The following FSTL5 variants were observed in gnomAD, a reference collection of about 807,000 sequenced individuals.
FSTL5 encodes follistatin like 5.
Under a neutral mutation model 89.1 loss-of-function variants are expected in FSTL5, and 62 were observed. The ratio of observed to expected loss-of-function variants is 0.70; its 90% CI spans 0.57 to 0.86. FSTL5 has a LOEUF of 0.86. FSTL5 is among the 40% of genes least tolerant of loss of function. FSTL5 has a pLI of 0.00. For missense variants in FSTL5, 1,057 were observed against 1,001.6 expected (o/e 1.06, Z -0.75); for synonymous variants, 383 against 346.2 (o/e 1.11, Z -1.18).
intron 2 of FSTL5, among the ~76,000 whole-genome samples, chr4:162,064,976 G>A (rs1026323293): frequency 1.3e-5 from 2 of 151,884 alleles, no homozygotes; most frequent in Non-Finnish European, 2.9e-5. Flanking sequence ...TAATCTTTGG[G>A]AAGAGTGCCA....
intron 11 of FSTL5, among the ~76,000 whole-genome samples, chr4:161,509,476 T>C (rs1730586396): frequency 1.3e-5 from 2 of 152,050 alleles, no homozygotes; most frequent in South Asian, 2.1e-4. Context: ...ATACAAAAGA[T>C]TTAAGGAGCA....
chr4:161,465,913 A>G (rs1397975800), intron 13 of FSTL5, among the ~76,000 whole-genome samples: 1 of 152,186 alleles, frequency 6.6e-6, no homozygotes, highest in Non-Finnish European at 1.5e-5. Context: ...AAACACTTTC[A>G]AAAAAGTTTC....
intron 1 of FSTL5, among the ~76,000 whole-genome samples, chr4:162,147,076 C>G (rs1733031103): frequency 2.0e-5 from 3 of 152,206 alleles, no homozygotes; most frequent in African/African-American, 7.2e-5. Context: ...GCCATCGCAC[C>G]TGGTCCTAAC....
At chr4:161,975,970 T>A (rs1249737057) in intron 3 of FSTL5, among the ~76,000 whole-genome samples, 1 of 149,656 alleles carries the variant, frequency 6.7e-6, no homozygotes, top group African/African-American at 2.5e-5. Context: ...AAAAAAAAAT[T>A]AGCCAGGCAT....
chr4:161,707,638 T>G (rs532704736), intron 6 of FSTL5, among the ~76,000 whole-genome samples: 1 of 152,062 alleles, frequency 6.6e-6, no homozygotes, highest in African/African-American at 2.4e-5. Context: ...TATTTTAGTA[T>G]TATTCTGCCA....
At chr4:161,404,521 A>G (rs756240006) in intron 15 of FSTL5, among the ~76,000 whole-genome samples, 5 of 152,196 alleles carry the variant, frequency 3.3e-5, no homozygotes, top group South Asian at 2.1e-4. Context: ...ATGCCTCAAC[A>G]TAGGGCCAAT....
At chr4:161,843,973 C>T (rs1399709391) in intron 4 of FSTL5, among the ~76,000 whole-genome samples, 2 of 152,070 alleles carry the variant, frequency 1.3e-5, no homozygotes, top group African/African-American at 4.8e-5. Context: ...AGAGCTTCTG[C>T]ACAGCAAAAG....
chr4:161,443,710 A>G (rs1732852683), intron 15 of FSTL5, among the ~76,000 whole-genome samples: 1 of 151,964 alleles, frequency 6.6e-6, no homozygotes, highest in African/African-American at 2.4e-5. Flanking sequence ...GGAGCAGGAA[A>G]AGTTGCATGA....
chr4:162,062,482 G>T (rs1578996486), intron 2 of FSTL5, among the ~76,000 whole-genome samples: 1 of 151,838 alleles, frequency 6.6e-6, no homozygotes, highest in East Asian at 1.9e-4. Flanking sequence ...TCCTGCCTTA[G>T]AAAAGGTAAC....
intron 15 of FSTL5, among the ~76,000 whole-genome samples, chr4:161,453,938 G>A (rs1328370164): frequency 6.6e-6 from 1 of 152,020 alleles, no homozygotes; most frequent in Non-Finnish European, 1.5e-5. Flanking sequence ...GCACATAATA[G>A]GCATTCTGAA....
chr4:161,884,273 T>G (rs1732730387), intron 4 of FSTL5, among the ~76,000 whole-genome samples: 1 of 152,230 alleles, frequency 6.6e-6, no homozygotes, highest in African/African-American at 2.4e-5. Flanking sequence ...CCTGACCTCG[T>G]GATCTGCCTG....
chr4:162,087,527 T>C (rs1290058119), intron 2 of FSTL5, among the ~76,000 whole-genome samples: 1 of 152,124 alleles, frequency 6.6e-6, no homozygotes, highest in African/African-American at 2.4e-5. Flanking sequence ...AAAGTACCAA[T>C]AGAGGTTGTC....
intron 13 of FSTL5, among the ~76,000 whole-genome samples, chr4:161,473,894 T>A (rs1346547294): frequency 6.6e-6 from 1 of 152,194 alleles, no homozygotes; most frequent in Non-Finnish European, 1.5e-5. Flanking sequence ...TTTGATCCTG[T>A]TTTTAATCCA....
intron 3 of FSTL5, among the ~76,000 whole-genome samples, chr4:161,977,040 A>T (rs1438210080): frequency 6.6e-6 from 1 of 152,158 alleles, no homozygotes; most frequent in African/African-American, 2.4e-5. Context: ...ATGGGAAGAA[A>T]AATCACTGAT....
intron 15 of FSTL5, among the ~76,000 whole-genome samples, chr4:161,397,704 C>T (rs575715180): frequency 1.3e-5 from 2 of 151,356 alleles, no homozygotes; most frequent in East Asian, 3.9e-4. Flanking sequence ...AAGCATAAAG[C>T]TTGACAAAGG....
At chr4:161,978,738 T>G (rs1735734650) in intron 3 of FSTL5, among the ~76,000 whole-genome samples, 1 of 152,106 alleles carries the variant, frequency 6.6e-6, no homozygotes, top group African/African-American at 2.4e-5. Context: ...GTTTTGGAGA[T>G]TATAAAGCCA....
intron 4 of FSTL5, among the ~76,000 whole-genome samples, chr4:161,814,242 C>T (rs1730257017): frequency 6.6e-6 from 1 of 152,116 alleles, no homozygotes. Context: ...ATTTGCTGCT[C>T]TATGAAAGTC....
chr4:161,592,506 G>A (rs1649650841), intron 7 of FSTL5, among the ~76,000 whole-genome samples: 1 of 150,542 alleles, frequency 6.6e-6, no homozygotes, highest in East Asian at 2.0e-4. Flanking sequence ...TCCTACTTAT[G>A]AGTGAGAACA....
chr4:161,651,560 A>C (rs7659888), intron 7 of FSTL5, among the ~76,000 whole-genome samples: 31,876 of 152,112 alleles, frequency 0.21, 3,959 homozygotes, highest in Non-Finnish European at 0.26. Flanking sequence ...AGGGAAAGAA[A>C]GAGAAGAGAA....
Sources: allele counts gnomAD v4.1 joint callset (sites outside exome capture counted in the v4.1 genomes callset), GRCh38; gene constraint gnomAD v4.1.1; transcripts MANE v1.5; gene names NCBI Gene and HGNC (gene_info 2026-07-23, HGNC 2026-07-21).